Variants in SRRM3 observed in about 807,000 individuals in gnomAD.
SRRM3 encodes the protein serine/arginine repetitive matrix 3.
SRRM3 carries 27 observed loss-of-function variants against 66.2 expected under a neutral mutation model. That is an observed-to-expected ratio of 0.41 (90% CI 0.30 to 0.56). The LOEUF is 0.56. Among genes scored for constraint, SRRM3 ranks in the 20% least tolerant of loss-of-function variants. The probability of loss-of-function intolerance (pLI) is 0.32; values close to 1 mark genes in which losing one functional copy is unlikely to be tolerated. For synonymous variants in SRRM3, 391 were observed against 414.9 expected, an observed-to-expected ratio of 0.94 and a Z score of 0.70; for missense variants, 918 against 991.9, an observed-to-expected ratio of 0.93 and a Z score of 1.00.
chr7:76,240,889 TG>T (rs1801278418), intron 2 of SRRM3, among the ~76,000 whole-genome samples: 1 of 151,472 alleles, frequency 6.6e-6, no homozygotes, highest in Non-Finnish European at 1.5e-5. Context: ...CCCTTGACGT[TG>T]TTTTTTTGGT....
At chr7:76,266,605 T>G (rs1171224364) in intron 10 of SRRM3, among the ~76,000 whole-genome samples, 1 of 126,570 alleles carries the variant, frequency 7.9e-6, no homozygotes, top group Non-Finnish European at 1.6e-5. Context: ...ATATTTATAT[T>G]TAATTATGTT....
At chr7:76,265,672 C>T (rs1463566218) in intron 10 of SRRM3, among the ~76,000 whole-genome samples, 1 of 150,000 alleles carries the variant, frequency 6.7e-6, no homozygotes, top group African/African-American at 2.5e-5. Flanking sequence ...CGCTTGAGGC[C>T]AGGAGTTCGA....
In SRRM3 at chr7:76,260,024, C is replaced by T. The variant is rs1217359899; in HGVS notation, c.454C>T (p.Arg152Cys). 3 of 1,564,978 alleles carry T rather than the reference C, an allele frequency of 1.9e-6. No individual in the cohort carries two copies. The highest frequency in any genetic ancestry group is 4.7e-5 in the East Asian group (2 of 42,662). ...DCPASCYRGH[R>C]GYRTKHWSSS... ...CCCGGCCTCCTGCTACCGCGGCCAC[C>T]GCGGGTACAGGTCAGCGGCCGCCGC... Residue 152 changes from arginine to cysteine, a missense_variant, in exon 4 of 15, where the codon CGC (arginine) becomes TGC (cysteine). Transcript: ENST00000611745.
chr7:76,202,847 G>C (rs1320582255), intron 1 of SRRM3, among the ~76,000 whole-genome samples: 1 of 152,136 alleles, frequency 6.6e-6, no homozygotes, highest in Admixed American at 6.6e-5. Context: ...GAAGCCTCCT[G>C]CAGTTCCTAC....
chr7:76,225,474 C>G (rs531635197), intron 1 of SRRM3, among the ~76,000 whole-genome samples: 17 of 151,690 alleles, frequency 1.1e-4, no homozygotes, highest in Admixed American at 4.6e-4. Flanking sequence ...CCCTCCCCGC[C>G]CCCCCCGCCC....
At position 76,285,299 on chromosome 7, in the gene SRRM3, A is replaced by G. The variant is rs928523266; in HGVS notation, c.1734-316A>G. On this transcript the variant is annotated intron_variant, in intron 14 of 14. Coordinates refer to ENST00000611745, the MANE Select transcript of SRRM3 (RefSeq NM_001110199.3). The surrounding 1 kb of genome is among the most constrained non-coding windows in gnomAD (Gnocchi z 4.1). ...GACTGGTCTCAAACTTCTGACCTCA[A>G]GTGATCCGCCCGCCTCAGCCTCCCA... 5.1e-5 allele frequency: 17 copies of G among 334,486 alleles called. No individual in the cohort carries two copies. Among genetic ancestry groups the G allele is most frequent in the African/African-American group, 1.1e-4 (5 of 46,590 alleles). The allele number at this position is 334,486 out of a possible 1,614,324, so 20.7% of individuals were successfully genotyped here. A position where few individuals can be genotyped will look rare whatever the true frequency, so the allele number is the denominator to read the frequency against.
chr7:76,238,001 C>T (rs1241225723), intron 2 of SRRM3, among the ~76,000 whole-genome samples: 1 of 152,116 alleles, frequency 6.6e-6, no homozygotes, highest in African/African-American at 2.4e-5. Flanking sequence ...TCCCTTCCCC[C>T]ACCCAAGCTC....
intron 1 of SRRM3, among the ~76,000 whole-genome samples, chr7:76,227,255 G>A (rs1554603815): frequency 1.3e-5 from 2 of 152,190 alleles, no homozygotes; most frequent in Admixed American, 1.3e-4. Flanking sequence ...GAAGTACAGT[G>A]TCAATGCCCC....
chr7:76,260,141 G>A lies in SRRM3; in HGVS notation c.489G>A (p.Ser163=), dbSNP rs1554608383. 2.0e-6 allele frequency: 3 copies of A among 1,523,012 alleles called. No individual in the cohort carries two copies. The highest frequency in any genetic ancestry group is 2.2e-5 in the Admixed American group (1 of 46,370). 94.3% of individuals were successfully genotyped at this position (1,523,012 alleles called of 1,614,324 possible). A position where few individuals can be genotyped will look rare whatever the true frequency, so the allele number is the denominator to read the frequency against. ...GGACCAAGCATTGGTCTAGCAGCTC[G>A]GCATCGCCCCCTCCCAAGAAAAAGA... ...GYRTKHWSSS[S]ASPPPKKKKK... The change falls in exon 5 of 15, where the codon TCG becomes TCA. Residue 163 remains serine (S), a synonymous_variant. Transcript: ENST00000611745.
intron 1 of SRRM3, among the ~76,000 whole-genome samples, chr7:76,229,926 T>C (rs528679547): frequency 6.6e-6 from 1 of 152,170 alleles, no homozygotes; most frequent in South Asian, 2.1e-4. Flanking sequence ...GTACTTTTAG[T>C]AGAGACGGGG....
chr7:76,203,027 T>A (rs879970441), intron 1 of SRRM3, among the ~76,000 whole-genome samples: 1 of 152,130 alleles, frequency 6.6e-6, no homozygotes, highest in Non-Finnish European at 1.5e-5. Flanking sequence ...TTTTGTCCCA[T>A]GGCAAGAGAA....
rs57880700 is a variant in SRRM3, at chr7:76,255,148, C to CTTTTTTTTTTTTTT, written c.336-4752_336-4739dup. Reference sequence around the variant, plus strand: ...CTTTTCTTTCTTTCTTTCTTTCTTTCTTTTTTTTTTTTTTTTTTTGAGATG... The same window carrying CTTTTTTTTTTTTTT: ...CTTTTCTTTCTTTCTTTCTTTCTTTCTTTTTTTTTTTTTTTTTTTTTTTTTTTTTTTTTGAGATG... On this transcript the variant is annotated intron_variant, in intron 3 of 14. Coordinates refer to ENST00000611745, the MANE Select transcript of SRRM3 (RefSeq NM_001110199.3). Among the ~76,000 whole-genome samples, 186 of 83,170 alleles carry CTTTTTTTTTTTTTT rather than the reference C, an allele frequency of 2.2e-3. 5 individuals carry two copies. Among genetic ancestry groups the CTTTTTTTTTTTTTT allele is most frequent in the African/African-American group, 5.5e-3 (87 of 15,896 alleles). 54.6% of individuals were successfully genotyped at this position (83,170 alleles called of 152,430 possible). A position where few individuals can be genotyped will look rare whatever the true frequency, so the allele number is the denominator to read the frequency against.
chr7:76,250,745 C>T (rs1432771879), intron 3 of SRRM3, among the ~76,000 whole-genome samples: 1 of 152,132 alleles, frequency 6.6e-6, no homozygotes, highest in Non-Finnish European at 1.5e-5. Flanking sequence ...AAGACTCCAT[C>T]AAATAAATAA....
intron 14 of SRRM3, chr7:76,283,942 C>A: frequency 3.7e-6 from 2 of 547,526 alleles, no homozygotes; most frequent in Non-Finnish European, 4.7e-6. Flanking sequence ...TCTGCCACTG[C>A]CTTGCTGGGC....
At chr7:76,282,004 TACCCCCCACGGATCTCA>T (rs1158331100) in intron 12 of SRRM3, among the ~76,000 whole-genome samples, 1 of 89,522 alleles carries the variant, frequency 1.1e-5, no homozygotes, top group Non-Finnish European at 2.1e-5. Context: ...CTCACTGAAC[TACCCCCCACGGATCTCA>T]ACCCCCCACG....
At chr7:76,236,238 G>C (rs1442417887) in intron 2 of SRRM3, among the ~76,000 whole-genome samples, 1 of 151,324 alleles carries the variant, frequency 6.6e-6, no homozygotes, top group Admixed American at 6.6e-5. Context: ...TGAACCGGGA[G>C]GTGGAGGTTG....
In SRRM3 at chr7:76,281,428, C is replaced by G; in HGVS notation, c.1009-13C>G. 1 of 1,233,362 alleles carries G rather than the reference C, an allele frequency of 8.1e-7. No individual in the cohort carries two copies. Among genetic ancestry groups the G allele is most frequent in the Non-Finnish European group, 1.0e-6 (1 of 981,918 alleles). The allele number at this position is 1,233,362 out of a possible 1,614,324, so 76.4% of individuals were successfully genotyped here. On this transcript the variant is annotated splice_polypyrimidine_tract_variant and intron_variant, in intron 11 of 14. Coordinates refer to ENST00000611745, the MANE Select transcript of SRRM3 (RefSeq NM_001110199.3). The stretch of plus-strand genomic sequence containing the variant: ...TCCCCCCTCCGTGCCCTGTCTGCCT[C>G]TCTCCCCGTCAGAAGCCCAGCTCGC...
chr7:76,281,212 C>G (rs1802491368), intron 11 of SRRM3, among the ~76,000 whole-genome samples: 1 of 151,090 alleles, frequency 6.6e-6, no homozygotes, highest in Non-Finnish European at 1.5e-5. Context: ...TCTCTTCATT[C>G]TCTCTCTCCG....
At chr7:76,231,014 G>A (rs1554604198) in intron 1 of SRRM3, among the ~76,000 whole-genome samples, 3 of 152,040 alleles carry the variant, frequency 2.0e-5, no homozygotes, top group Non-Finnish European at 4.4e-5. Context: ...GCTTCCCAAA[G>A]TGCTGGGATT....
Sources: gnomAD v4.1 joint callset for allele counts (sites outside exome capture counted in the v4.1 genomes callset) on GRCh38, gnomAD v4.1.1 for gene constraint, Gnocchi (gnomAD v3.1) non-coding constraint, MANE v1.5 for transcripts, NCBI Gene and HGNC (gene_info 2026-07-23, HGNC 2026-07-21) for gene names.